Variants in KLF8 observed in about 807,000 individuals in gnomAD.
The protein encoded by KLF8 is KLF transcription factor 8, also known as Krueppel-like factor 8.
Under a neutral mutation model 18.2 loss-of-function variants are expected in KLF8, and 10 were observed. The observed-to-expected ratio is 0.55, with a 90% CI of 0.34 to 0.93. The LOEUF (loss-of-function observed/expected upper bound fraction) is 0.93, where lower values mean the gene tolerates loss of function less well. Ranked by LOEUF, KLF8 falls within the 40% of genes least tolerant of loss-of-function variation. The pLI, the probability that KLF8 is intolerant of heterozygous loss-of-function variation, is 0.02. For synonymous variants in KLF8, 109 were observed against 97.3 expected (o/e 1.12, Z -0.71); for missense variants, 264 against 277.9 (o/e 0.95, Z 0.36).
the KLF8 span, among the ~76,000 whole-genome samples, chrX:56,056,342 A>T: frequency 9.2e-6 from 1 of 109,092 alleles, no homozygotes; most frequent in Non-Finnish European, 1.9e-5. Flanking sequence ...GGGGAACAAC[A>T]CTCTACTTTG....
chrX:55,987,160 T>G, the KLF8 span, among the ~76,000 whole-genome samples: 1 of 101,849 alleles, frequency 9.8e-6, no homozygotes, highest in Admixed American at 1.2e-4. Flanking sequence ...CTGGGTCAAA[T>G]GGTAGTTCTG....
the KLF8 span, among the ~76,000 whole-genome samples, chrX:55,941,293 G>A: frequency 1.8e-5 from 2 of 112,001 alleles, no homozygotes; most frequent in African/African-American, 3.2e-5. Context: ...TTAATAAATG[G>A]TGCTAGGAAA....
the KLF8 span, among the ~76,000 whole-genome samples, chrX:56,064,886 G>T: frequency 9.0e-6 from 1 of 110,870 alleles, no homozygotes; most frequent in Admixed American, 9.7e-5. Context: ...TTGGCTGGCA[G>T]TTTTTTTTCT....
the KLF8 span, among the ~76,000 whole-genome samples, chrX:56,041,672 T>G: frequency 1.7e-4 from 7 of 40,032 alleles, no homozygotes; most frequent in Admixed American, 1.3e-3. Context: ...CTAGTTTTGT[T>G]GTTGTTGTTG....
the KLF8 span, among the ~76,000 whole-genome samples, chrX:56,073,111 C>G: frequency 4.6e-5 from 5 of 109,337 alleles, no homozygotes; most frequent in Non-Finnish European, 9.5e-5. Context: ...CTCAGCCTCC[C>G]GAGTAGCTGG....
the KLF8 span, among the ~76,000 whole-genome samples, chrX:55,944,958 G>A: frequency 4.5e-5 from 5 of 110,798 alleles, no homozygotes; most frequent in East Asian, 2.8e-4. Context: ...GCTTTCTCTT[G>A]TGGGCATTTA....
At chrX:55,911,868 G>A in the KLF8 span, among the ~76,000 whole-genome samples, 3 of 112,049 alleles carry the variant, frequency 2.7e-5, no homozygotes, top group Non-Finnish European at 5.6e-5. Flanking sequence ...GAGACTTGTG[G>A]ATTAGTGTAG....
At chrX:55,944,991 C>A in the KLF8 span, among the ~76,000 whole-genome samples, 5 of 111,155 alleles carry the variant, frequency 4.5e-5, no homozygotes, top group Non-Finnish European at 9.4e-5. Context: ...TCCCTCTACA[C>A]ACTGCTTTGT....
At chrX:55,943,365 A>G in the KLF8 span, among the ~76,000 whole-genome samples, 4 of 110,737 alleles carry the variant, frequency 3.6e-5, no homozygotes, top group Non-Finnish European at 7.6e-5. Flanking sequence ...AAGGGTGTAC[A>G]GGGAGAAGAA....
At chrX:56,160,776 T>A in the KLF8 span, among the ~76,000 whole-genome samples, 1 of 111,427 alleles carries the variant, frequency 9.0e-6, no homozygotes, top group African/African-American at 3.3e-5. Context: ...TTTGAGCCTA[T>A]GTGTGTCTCT....
At chrX:56,224,901 T>G in the KLF8 span, among the ~76,000 whole-genome samples, 1 of 111,379 alleles carries the variant, frequency 9.0e-6, no homozygotes, top group Non-Finnish European at 1.9e-5. Context: ...GATGGTGCCT[T>G]GTTGCTGCAT....
the KLF8 span, among the ~76,000 whole-genome samples, chrX:56,199,284 C>T: frequency 8.9e-6 from 1 of 111,822 alleles, no homozygotes; most frequent in South Asian, 3.7e-4. Flanking sequence ...AAAGAAACTA[C>T]CATCTGAGTG....
the KLF8 span, among the ~76,000 whole-genome samples, chrX:55,991,998 A>G: frequency 1.8e-5 from 2 of 111,878 alleles, no homozygotes; most frequent in South Asian, 7.4e-4. Flanking sequence ...TAGATTCTGG[A>G]TATTAGACCT....
chrX:55,974,690 G>C, the KLF8 span, among the ~76,000 whole-genome samples: 1 of 112,250 alleles, frequency 8.9e-6, no homozygotes, highest in Admixed American at 9.4e-5. Context: ...TACTTAACTA[G>C]GTGCTGGAGA....
At chrX:56,215,625 C>T in the KLF8 span, among the ~76,000 whole-genome samples, 1 of 107,515 alleles carries the variant, frequency 9.3e-6, no homozygotes, top group African/African-American at 3.4e-5. Context: ...GAGTTCAAGA[C>T]CAGCCTGGCC....
chrX:56,119,854 T>C, the KLF8 span, among the ~76,000 whole-genome samples: 1 of 108,070 alleles, frequency 9.3e-6, no homozygotes, highest in Admixed American at 1.0e-4. Context: ...TGTGCAAGTT[T>C]AGGTCTGGAT....
At chrX:56,164,751 CTTTT>C in the KLF8 span, among the ~76,000 whole-genome samples, 1 of 35,958 alleles carries the variant, frequency 2.8e-5, no homozygotes, top group Non-Finnish European at 5.2e-5. Flanking sequence ...TTTTTTTTAA[CTTTT>C]TTTTTTTTTA....
rs757188676 is a variant in KLF8, at chrX:56,265,249, C to T, written c.151C>T (p.Leu51Phe). The T allele has an allele frequency of 2.5e-6, 3 of 1,207,255 alleles. No individual in the cohort carries two copies. The highest frequency in any genetic ancestry group is 3.5e-5 in the South Asian group (2 of 56,463). Residue 51 changes from leucine to phenylalanine, a missense_variant, in exon 3 of 6, where the codon CTC becomes TTC. This residue lies in a region of KLF8 where 221 missense variants were observed against 193.6 expected (regional missense o/e 1.14). Transcript: ENST00000468660. ...CAGAAGTAATATGACTTCTCCAACA[C>T]TCCTGGATGCCAACCCCATGGAGAA... ...EYRSNMTSPT[L>F]LDANPMENPA... is the part of the protein sequence containing the mutation.
the KLF8 span, among the ~76,000 whole-genome samples, chrX:55,969,217 CTT>C: frequency 1.8e-5 from 2 of 111,669 alleles, no homozygotes; most frequent in South Asian, 7.4e-4. Flanking sequence ...ACAAATGTGT[CTT>C]AAAACATTTA....
Sources: gnomAD v4.1 joint callset for allele counts (sites outside exome capture counted in the v4.1 genomes callset) on GRCh38, gnomAD v4.1.1 for gene constraint, gnomAD v4.1.1 regional missense constraint, MANE v1.5 for transcripts, NCBI Gene and HGNC (gene_info 2026-07-23, HGNC 2026-07-21) for gene names.